The following NPC1 variants were observed in gnomAD, a reference collection of about 807,000 sequenced individuals.
NPC1 encodes Niemann-Pick C1 protein.
In NPC1, 85 loss-of-function variants were observed where a neutral mutation model predicts 140.4. That is an observed-to-expected ratio of 0.61 (90% CI 0.51 to 0.72). The LOEUF is 0.72. Among genes scored for constraint, NPC1 ranks in the 30% least tolerant of loss-of-function variants. The pLI, the probability that NPC1 is intolerant of heterozygous loss-of-function variation, is 0.00. For synonymous variants in NPC1, 656 were observed against 624.8 expected (o/e 1.05, Z -0.74); for missense variants, 1,504 against 1,623.8 (o/e 0.93, Z 1.27).
chr18:23,561,427 G>A lies in NPC1; in HGVS notation c.564C>T (p.Asn188=), dbSNP rs1368112701. 4 of 1,614,082 alleles carry A rather than the reference G, an allele frequency of 2.5e-6. No homozygotes were observed. In the African/African-American group the frequency reaches 4.0e-5, roughly 16 times the overall value. Residue 188 remains asparagine, a synonymous_variant, in exon 5 of 25, where the codon AAC becomes AAT. Coordinates refer to ENST00000269228, the MANE Select transcript of NPC1 (RefSeq NM_000271.5). Reference sequence around the variant, plus strand: ...CCTTATTGAACATGTATTCAATCCAGTTGGTGGCATTACAGGCGTCAGCGT... The same window carrying A: ...CCTTATTGAACATGTATTCAATCCAATTGGTGGCATTACAGGCGTCAGCGT... ...GKDADACNAT[N]WIEYMFNKDN...
intron 16 of NPC1, 38 bp downstream of exon 16, chr18:23,541,030 A>T (rs1483758779): frequency 6.2e-7 from 1 of 1,609,522 alleles, no homozygotes; most frequent in South Asian, 1.1e-5. Context: ...AATCTGTTTC[A>T]GTGAGAGGAA....
chr18:23,579,844 C>G (rs749148923), intron 1 of NPC1, among the ~76,000 whole-genome samples: 3 of 151,008 alleles, frequency 2.0e-5, no homozygotes, highest in Non-Finnish European at 4.4e-5. Context: ...GAGATCGCAC[C>G]GCTGCACTCC....
At chr18:23,552,386 GA>G (rs2058886342) in intron 9 of NPC1, among the ~76,000 whole-genome samples, 1 of 152,220 alleles carries the variant, frequency 6.6e-6, no homozygotes, top group Non-Finnish European at 1.5e-5. Context: ...GCCAGTCTGG[GA>G]AGAGTAATGG....
chr18:23,532,285 C>T lies in NPC1; in HGVS notation c.3755-1G>A. ...CTTTTGGCTTTATTTACTGATGGCC[C>T]TATGAGAGAGAGAGACTTTTTCTTA... On this transcript the variant is annotated splice_acceptor_variant, in intron 24 of 24. Transcript: ENST00000269228. LOFTEE classifies it high-confidence loss of function. The T allele has an allele frequency of 1.2e-6, 2 of 1,614,084 alleles. No homozygotes were observed. The highest frequency in any genetic ancestry group is 1.1e-5 in the South Asian group (1 of 91,072).
At chr18:23,515,873 G>A in intron 3 of NPC1, 3 of 1,614,128 alleles carry the variant, frequency 1.9e-6, no homozygotes, top group Non-Finnish European at 2.5e-6. Flanking sequence ...CAGAGAAACG[G>A]AGTCTGAAAC....
intron 17 of NPC1, 75 bp downstream of exon 17, chr18:23,540,373 A>G: frequency 1.0e-6 from 1 of 973,164 alleles, no homozygotes. Flanking sequence ...TGAAACACCT[A>G]CGTGCATGTT....
intron 4 of NPC1, among the ~76,000 whole-genome samples, chr18:23,566,396 C>A (rs560249502): frequency 6.6e-6 from 1 of 152,174 alleles, no homozygotes; most frequent in African/African-American, 2.4e-5. Flanking sequence ...TTTTGTAGTA[C>A]TGCACTATTC....
chr18:23,542,085 C>A (rs1382702485), intron 14 of NPC1, among the ~76,000 whole-genome samples: 2 of 152,228 alleles, frequency 1.3e-5, no homozygotes, highest in African/African-American at 4.8e-5. Context: ...CTGGGTTGGC[C>A]ACACACATAA....
chr18:23,542,249 GTT>G (rs915627266), intron 14 of NPC1, among the ~76,000 whole-genome samples: 5 of 144,636 alleles, frequency 3.5e-5, no homozygotes, highest in African/African-American at 1.3e-4. Flanking sequence ...AAAAAAGAAA[GTT>G]TTTTCTTTTT....
chr18:23,545,869 A>C (rs2145409029), intron 11 of NPC1, among the ~76,000 whole-genome samples: 1 of 152,294 alleles, frequency 6.6e-6, no homozygotes, highest in South Asian at 2.1e-4. Flanking sequence ...TGCTGGGATG[A>C]CAGGCACCAT....
chr18:23,520,231 G>A, downstream of NPC1: 1 of 1,614,078 alleles, frequency 6.2e-7, no homozygotes, highest in Non-Finnish European at 8.5e-7. Flanking sequence ...TCAAGTTACG[G>A]GGAGAGTTTG....
At chr18:23,520,113 C>A (rs911881870), downstream of NPC1, 5 of 985,364 alleles carry the variant, frequency 5.1e-6, no homozygotes, top group Middle Eastern at 2.1e-4. Context: ...GGCTTTTAAA[C>A]TGATTTAAAC....
At chr18:23,548,151 T>C (rs531740351) in intron 10 of NPC1, 43 bp from the exon 11 acceptor site, 2 of 1,180,264 alleles carry the variant, frequency 1.7e-6, no homozygotes, top group African/African-American at 1.5e-5. Context: ...ATTACAAGCA[T>C]GCAGAAAATT....
chr18:23,570,888 T>C (rs1288766854), intron 3 of NPC1, among the ~76,000 whole-genome samples: 1 of 152,100 alleles, frequency 6.6e-6, no homozygotes, highest in African/African-American at 2.4e-5. Context: ...CGAGGCCGGC[T>C]CTACTGAGGA....
chr18:23,585,097 A>T (rs2059401221), intron 1 of NPC1, among the ~76,000 whole-genome samples: 1 of 152,054 alleles, frequency 6.6e-6, no homozygotes, highest in Admixed American at 6.5e-5. Flanking sequence ...AGGGAAACAG[A>T]ATAGCCACAT....
intron 1 of NPC1, among the ~76,000 whole-genome samples, chr18:23,584,986 G>T (rs1325346553): frequency 2.0e-5 from 3 of 152,198 alleles, no homozygotes; most frequent in Non-Finnish European, 4.4e-5. Flanking sequence ...GTTCCAGGCT[G>T]CAGTGAGCTA....
Position 23,544,948 on chromosome 18 carries a change from C to CCCCG in NPC1, c.1947+11_1947+12insCGGG, listed in dbSNP as rs1555634668. 3.0e-5 allele frequency: 42 copies of CCCCG among 1,379,406 alleles called. No homozygotes were observed. The highest frequency in any genetic ancestry group is 1.2e-4 in the Admixed American group (7 of 56,796). The allele number at this position is 1,379,406 out of a possible 1,614,324, so 85.4% of individuals were successfully genotyped here. Reference sequence around the variant, plus strand: ...TAACCTCTAGAACATACACCACCCCCCCCCGGCTTACCAGAAGCCTGCGAC... The same window carrying CCCCG: ...TAACCTCTAGAACATACACCACCCCCCCCGCCCCGGCTTACCAGAAGCCTGCGAC... On this transcript the variant is annotated intron_variant, in intron 12 of 24. Transcript: ENST00000269228.
rs772290631 is a variant in NPC1, at chr18:23,568,923, C to G, written c.363G>C (p.Leu121Phe). The G allele has an allele frequency of 2.5e-6, 4 of 1,613,906 alleles. No individual in the cohort carries two copies. Among genetic ancestry groups the G allele is most frequent in the Non-Finnish European group, 2.5e-6 (3 of 1,179,842 alleles). Residue 121 changes from leucine to phenylalanine, a missense_variant, in exon 4 of 25, where the codon TTG becomes TTC. Physicochemically the swap from Leu to Phe is conservative, Grantham distance 22 (BLOSUM62 0). Coordinates refer to ENST00000269228, the MANE Select transcript of NPC1 (RefSeq NM_000271.5). Reference protein sequence around the residue: ...LTCSPRQSQFLNVTATEDYVD... With the variant: ...LTCSPRQSQFFNVTATEDYVD... ...CATAATCTTCAGTAGCTGTAACATT[C>G]AAAAACTGACTCTGTCGAGGGCTAC... is the stretch of plus-strand genomic sequence containing the variant.
chr18:23,524,826 G>A (rs558686081), downstream of NPC1, among the ~76,000 whole-genome samples: 2 of 151,422 alleles, frequency 1.3e-5, no homozygotes, highest in South Asian at 2.1e-4. Flanking sequence ...CGGTGTCCGT[G>A]CCCTTTTCTG....
Sources: gnomAD v4.1 joint callset for allele counts (sites outside exome capture counted in the v4.1 genomes callset) on GRCh38, gnomAD v4.1.1 for gene constraint, MANE v1.5 for transcripts, NCBI Gene and HGNC (gene_info 2026-07-23, HGNC 2026-07-21) for gene names.